The following STAU2 variants were observed in gnomAD, a reference collection of about 807,000 sequenced individuals.
The protein encoded by STAU2 is double-stranded RNA-binding protein Staufen homolog 2.
Under a neutral mutation model 65.9 loss-of-function variants are expected in STAU2, and 20 were observed. The observed-to-expected ratio is 0.30, with a 90% CI of 0.21 to 0.44. STAU2 has a LOEUF of 0.44. Ranked by LOEUF, STAU2 falls within the 20% of genes least tolerant of loss-of-function variation. The pLI, the probability that STAU2 is intolerant of heterozygous loss-of-function variation, is 1.00. For missense variants in STAU2, 558 were observed against 683.9 expected, an observed-to-expected ratio of 0.82 and a Z score of 2.05; for synonymous variants, 232 against 233.9, an observed-to-expected ratio of 0.99 and a Z score of 0.07.
intron 13 of STAU2, among the ~76,000 whole-genome samples, chr8:73,498,995 C>G: frequency 6.6e-6 from 1 of 151,888 alleles, no homozygotes; most frequent in Admixed American, 6.6e-5. Flanking sequence ...GGACCTTATC[C>G]AATCAGTTGA....
chr8:73,667,176 TTC>T (rs1171049545), intron 6 of STAU2, among the ~76,000 whole-genome samples: 6 of 152,158 alleles, frequency 3.9e-5, no homozygotes, highest in Non-Finnish European at 8.8e-5. Context: ...ATCTGCACTA[TTC>T]CAGGCCTGCA....
chr8:73,626,305 TGTTG>T (rs1354617723), intron 6 of STAU2, among the ~76,000 whole-genome samples: 2 of 152,146 alleles, frequency 1.3e-5, no homozygotes, highest in African/African-American at 4.8e-5. Context: ...AGAAATAACA[TGTTG>T]GTTGGTCCAT....
chr8:73,491,472 C>G (rs145492927), intron 13 of STAU2, among the ~76,000 whole-genome samples: 2 of 152,016 alleles, frequency 1.3e-5, no homozygotes, highest in Non-Finnish European at 2.9e-5. Flanking sequence ...TCTGTGTGTA[C>G]TTGTGCACAA....
At chr8:73,686,614 A>G (rs1818847764) in intron 5 of STAU2, among the ~76,000 whole-genome samples, 1 of 151,864 alleles carries the variant, frequency 6.6e-6, no homozygotes, top group Non-Finnish European at 1.5e-5. Context: ...TGAGGGGTAA[A>G]GACTACACAT....
rs764223379 is a variant in STAU2, at chr8:73,654,683, C to CTTT, written c.410+18421_410+18423dup. ...AAAAGAACTCTTTTAATTATCAAAC[C>CTTT]TTTTTTTTTTTTTTTTTTTTTGAGA... is the stretch of plus-strand genomic sequence containing the variant. On this transcript the variant is annotated intron_variant, in intron 6 of 14. Transcript: ENST00000524300. 3.8e-3 allele frequency among the ~76,000 whole-genome samples: 239 copies of CTTT among 62,950 alleles called. 4 individuals are homozygous for CTTT. The highest frequency in any genetic ancestry group is 5.2e-3 in the Admixed American group (15 of 2,866). The allele number at this position is 62,950 out of a possible 152,430, so 41.3% of individuals were successfully genotyped here. A position where few individuals can be genotyped will look rare whatever the true frequency, so the allele number is the denominator to read the frequency against.
At chr8:73,680,038 G>T (rs1321624072) in intron 5 of STAU2, among the ~76,000 whole-genome samples, 1 of 121,512 alleles carries the variant, frequency 8.2e-6, no homozygotes, top group Admixed American at 1.1e-4. Context: ...GGGGAAGGCA[G>T]TCAGTGGAAC....
intron 12 of STAU2, among the ~76,000 whole-genome samples, chr8:73,582,056 A>G (rs1810026201): frequency 6.6e-6 from 1 of 152,194 alleles, no homozygotes; most frequent in Non-Finnish European, 1.5e-5. Context: ...TGAAATAGAT[A>G]CTTTTCAGGA....
chr8:73,606,297 T>A (rs761408795), intron 9 of STAU2, among the ~76,000 whole-genome samples: 25 of 151,870 alleles, frequency 1.6e-4, no homozygotes, highest in Non-Finnish European at 3.1e-4. Context: ...AAAAGACAAG[T>A]CACAGACTTG....
At chr8:73,527,964 A>C (rs1805554220) in intron 13 of STAU2, among the ~76,000 whole-genome samples, 1 of 152,172 alleles carries the variant, frequency 6.6e-6, no homozygotes, top group Admixed American at 6.5e-5. Flanking sequence ...GAATCTATTA[A>C]TTCCATCTTA....
chr8:73,713,578 G>A (rs1475045792), intron 3 of STAU2, among the ~76,000 whole-genome samples: 2 of 152,080 alleles, frequency 1.3e-5, no homozygotes. Context: ...TAGGTAACAA[G>A]GGAACGTGAG....
intron 4 of STAU2, chr8:73,697,222 T>C (rs942053137): frequency 6.6e-6 from 1 of 152,196 alleles, no homozygotes; most frequent in African/African-American, 2.4e-5. Flanking sequence ...CCCAGCTAAT[T>C]GGCAGCAGAC....
At chr8:73,714,380 C>G (rs1315011470) in intron 3 of STAU2, among the ~76,000 whole-genome samples, 1 of 152,180 alleles carries the variant, frequency 6.6e-6, no homozygotes, top group Non-Finnish European at 1.5e-5. Flanking sequence ...CAGCTATTAA[C>G]TAAAACAAAC....
intron 13 of STAU2, among the ~76,000 whole-genome samples, chr8:73,492,465 C>T (rs1363538156): frequency 2.0e-5 from 3 of 151,802 alleles, no homozygotes; most frequent in Non-Finnish European, 4.4e-5. Flanking sequence ...CTCCAATTGA[C>T]AAGATGCTTC....
chr8:73,675,370 TACACACACACACACACACACAC>T (rs34764136), intron 5 of STAU2: 1 of 145,470 alleles, frequency 6.9e-6, no homozygotes, highest in African/African-American at 2.5e-5. Context: ...CATACATGTA[TACACACACACACACACACACAC>T]ACACACACAC....
intron 6 of STAU2, among the ~76,000 whole-genome samples, chr8:73,639,036 C>T (rs1200794558): frequency 6.6e-6 from 1 of 151,710 alleles, no homozygotes. Flanking sequence ...ATTTTAGTTG[C>T]TAAAGATTAA....
At position 73,617,375 on chromosome 8, in the gene STAU2, T is replaced by A. The variant is rs1253456850; in HGVS notation, c.487A>T (p.Thr163Ser). The change falls in exon 7 of 15, where the codon ACT (threonine) becomes TCT (serine). Residue 163 changes from threonine (T) to serine (S), a missense_variant. Thr to Ser is a moderately conservative substitution (Grantham distance 58). This residue lies in a region of STAU2 where 199 missense variants were observed against 299.5 expected (regional missense o/e 0.66). Transcript: ENST00000524300. ...GNNEFFGEGK[T>S]RQAARHNAAM... ...GCATTGTGTCTAGCAGCTTGTCGAG[T>A]CTTTCCTTCCCCAAAAAATTCATTA... 1 of 1,614,092 alleles carries A rather than the reference T, an allele frequency of 6.2e-7. No individual in the cohort carries two copies. Among genetic ancestry groups the A allele is most frequent in the Admixed American group, 1.7e-5 (1 of 59,994 alleles).
At chr8:73,655,884 G>T (rs920052685) in intron 6 of STAU2, among the ~76,000 whole-genome samples, 2 of 151,858 alleles carry the variant, frequency 1.3e-5, no homozygotes, top group Non-Finnish European at 2.9e-5. Context: ...TCCTGACCTC[G>T]TGATTCGCCC....
intron 13 of STAU2, among the ~76,000 whole-genome samples, chr8:73,485,883 A>G (rs572863371): frequency 2.6e-5 from 4 of 152,220 alleles, no homozygotes; most frequent in African/African-American, 9.6e-5. Context: ...GTAGGGAAAA[A>G]GCTGTCCAAA....
rs545073737 is a variant in STAU2 at position 73,640,255 on chromosome 8, A to G, written c.411-22804T>C. Among the ~76,000 whole-genome samples, 46 of 152,184 alleles carry G rather than the reference A, an allele frequency of 3.0e-4. No homozygotes were observed. The South Asian group carries it at 9.1e-3, about 30-fold the overall frequency. ...AAAGAAAAAAATGAAACAAAATTAG[A>G]ATAAAATATACAACTTCTACCAGAA... On this transcript the variant is annotated intron_variant, in intron 6 of 14. Transcript: ENST00000524300.
Sources: gnomAD v4.1 joint callset for allele counts (sites outside exome capture counted in the v4.1 genomes callset) on GRCh38, gnomAD v4.1.1 for gene constraint, gnomAD v4.1.1 regional missense constraint, MANE v1.5 for transcripts, NCBI Gene and HGNC (gene_info 2026-07-23, HGNC 2026-07-21) for gene names.